PREX1: variants seen among roughly 807,000 people sequenced by gnomAD.
The protein encoded by PREX1 is phosphatidylinositol-3,4,5-trisphosphate dependent Rac exchange factor 1, also known as phosphatidylinositol 3,4,5-trisphosphate-dependent Rac exchanger 1 protein.
PREX1 carries 41 observed loss-of-function variants against 198.3 expected under a neutral mutation model. The ratio of observed to expected loss-of-function variants is 0.21; its 90% CI spans 0.16 to 0.27. The LOEUF (loss-of-function observed/expected upper bound fraction) is 0.27. Ranked by LOEUF, PREX1 falls within the 10% of genes least tolerant of loss-of-function variation. The pLI is 1.00. For synonymous variants in PREX1, 843 were observed against 887.2 expected (o/e 0.95, Z 0.89); for missense variants, 1,620 against 2,200.7 (o/e 0.74, Z 5.28).
intron 1 of PREX1, among the ~76,000 whole-genome samples, chr20:48,768,885 A>G (rs2090221552): frequency 6.6e-6 from 1 of 152,024 alleles, no homozygotes; most frequent in South Asian, 2.1e-4. Context: ...GGTGATGCAT[A>G]CGTAATCACC....
At chr20:48,741,520 C>T (rs926528401) in intron 3 of PREX1, among the ~76,000 whole-genome samples, 8 of 152,068 alleles carry the variant, frequency 5.3e-5, no homozygotes, top group Non-Finnish European at 1.0e-4. Flanking sequence ...TTACCATGCC[C>T]GGCTAAGGGG....
intron 14 of PREX1, among the ~76,000 whole-genome samples, chr20:48,668,634 C>T (rs1301464407): frequency 6.6e-6 from 1 of 152,188 alleles, no homozygotes; most frequent in East Asian, 1.9e-4. Context: ...CAGCCCTGGG[C>T]AGAAGGCCTG....
In PREX1 at chr20:48,718,573, G is replaced by A. The variant is rs949887701; in HGVS notation, c.621+7717C>T. Among the ~76,000 whole-genome samples the A allele has an allele frequency of 6.6e-5, 10 of 152,172 alleles. No homozygotes were observed. In the South Asian group the frequency reaches 8.3e-4, roughly 13 times the overall value. ...ATAAACACAATAAATATAAGTGGAC[G>A]AAACGCTCCTGTTAGAAGATATTAT... On this transcript the variant is annotated intron_variant, in intron 5 of 39. Transcript: ENST00000371941.
Position 48,695,492 on chromosome 20 carries a change from T to C in PREX1, c.918-2702A>G, listed in dbSNP as rs542980689. 3.9e-5 allele frequency among the ~76,000 whole-genome samples: 6 copies of C among 152,384 alleles called. No individual in the cohort carries two copies. In the East Asian group the frequency reaches 1.2e-3, roughly 29 times the overall value. On this transcript the variant is annotated intron_variant, in intron 7 of 39. Transcript: ENST00000371941. ...GTGAATGATTAGCTTTAGGAGATAC[T>C]GCCAAGCTGTTTTCCAAAATAGTTG...
chr20:48,627,610 T>C lies in PREX1; in HGVS notation c.4875A>G (p.Pro1625=), dbSNP rs1180099620. 7 of 1,598,234 alleles carry C rather than the reference T, an allele frequency of 4.4e-6. No homozygotes were observed. Among genetic ancestry groups the C allele is most frequent in the Non-Finnish European group, 6.0e-6 (7 of 1,176,440 alleles). ...GGTTTTTGGCCAGAATCTCCACCCT[T>C]GGGCCCTGGAAGAAGGAACCATCAG... ...QATDIMRKQG[P]RVEILAKNLR... is the part of the protein sequence containing the mutation. The change falls in exon 39 of 40, where the codon CCA becomes CCG. Residue 1625 remains proline, a synonymous_variant. Coordinates refer to ENST00000371941, the MANE Select transcript of PREX1 (RefSeq NM_020820.4).
chr20:48,766,014 T>A (rs1168579044), intron 1 of PREX1, among the ~76,000 whole-genome samples: 1 of 152,090 alleles, frequency 6.6e-6, no homozygotes, highest in East Asian at 1.9e-4. Flanking sequence ...GGTTGCACCC[T>A]CCTTACGAGA....
In PREX1 at chr20:48,813,702, A is replaced by G. The variant is rs143881939; in HGVS notation, c.219+13940T>C. 8.9e-3 allele frequency among the ~76,000 whole-genome samples: 1,349 copies of G among 152,350 alleles called. 6 individuals are homozygous for G. Among genetic ancestry groups the G allele is most frequent in the Non-Finnish European group, 0.013 (881 of 68,038 alleles). On this transcript the variant is annotated intron_variant, in intron 1 of 39. Coordinates refer to ENST00000371941, the MANE Select transcript of PREX1 (RefSeq NM_020820.4). Reference sequence around the variant, plus strand: ...AAGGGAGAGGGGGAGCGATCAAATAAAAAGTTACCAAAAAGTTAACTCTGA... The same window carrying G: ...AAGGGAGAGGGGGAGCGATCAAATAGAAAGTTACCAAAAAGTTAACTCTGA...
In PREX1 at chr20:48,632,208, C is replaced by T. The variant is rs377088139; in HGVS notation, c.4526+69G>A. 27 of 1,477,700 alleles carry T rather than the reference C, an allele frequency of 1.8e-5. No homozygotes were observed. In the African/African-American group the frequency reaches 3.2e-4, roughly 17 times the overall value. 91.5% of individuals were successfully genotyped at this position (1,477,700 alleles called of 1,614,324 possible). ...ATGCTGGGGGTCCGCCTGGCACCTT[C>T]CATGCTAATGCCCACTCCACGTGGA... On this transcript the variant is annotated intron_variant, in intron 35 of 39. Coordinates refer to ENST00000371941, the MANE Select transcript of PREX1 (RefSeq NM_020820.4).
chr20:48,790,506 G>GA (rs1005783818), intron 1 of PREX1, among the ~76,000 whole-genome samples: 31 of 149,994 alleles, frequency 2.1e-4, no homozygotes, highest in African/African-American at 6.6e-4. Flanking sequence ...CATGAGTGCG[G>GA]AAAAAAAAAA....
At position 48,655,354 on chromosome 20, in the gene PREX1, C is replaced by T; in HGVS notation, c.2145G>A (p.Gln715=). The T allele has an allele frequency of 6.3e-7, 1 of 1,592,120 alleles. No homozygotes were observed. Among genetic ancestry groups the T allele is most frequent in the East Asian group, 2.3e-5 (1 of 43,774 alleles). Residue 715 remains glutamine, a synonymous_variant, in exon 19 of 40, where the codon CAG becomes CAA. Coordinates refer to ENST00000371941, the MANE Select transcript of PREX1 (RefSeq NM_020820.4). ...KAKEIIKIPD[Q]PDTLCFQIRG... The stretch of plus-strand genomic sequence containing the variant: ...GAATCTGGAAGCACAGTGTGTCCGG[C>T]TGGTCGGGGATTTTGATGATCCTGC...
At position 48,684,803 on chromosome 20, in the gene PREX1, G is replaced by A. The variant is rs2089774776; in HGVS notation, c.1335-3468C>T. Among the ~76,000 whole-genome samples the A allele has an allele frequency of 6.6e-6, 1 of 152,090 alleles. No homozygotes were observed. The highest frequency in any genetic ancestry group is 6.5e-5 in the Admixed American group (1 of 15,272). ...CTGAGGCCACATCTCCTGCCCCTCT[G>A]ACCACTCAGGCTCCAGCCACAATGG... On this transcript the variant is annotated intron_variant, in intron 10 of 39. Transcript: ENST00000371941. This position sits in a 1 kb window ranked among gnomAD's most constrained non-coding sequence, Gnocchi z 4.2.
At chr20:48,887,657 ATGT>A in the PREX1 span, among the ~76,000 whole-genome samples, 1 of 150,670 alleles carries the variant, frequency 6.6e-6, no homozygotes, top group Admixed American at 6.6e-5. Flanking sequence ...TAAAAATAAA[ATGT>A]TGTTTGCCGG....
In PREX1 at chr20:48,691,005, C is replaced by T. The variant is rs141690733; in HGVS notation, c.1128G>A (p.Thr376=). The T allele has an allele frequency of 6.2e-6, 10 of 1,614,130 alleles. No individual in the cohort carries two copies. In the African/African-American group the frequency reaches 8.0e-5, roughly 13 times the overall value. Residue 376 remains threonine, a synonymous_variant, in exon 9 of 40, where the codon ACG becomes ACA. Transcript: ENST00000371941. The surrounding 1 kb of genome is among the most constrained non-coding windows in gnomAD (Gnocchi z 5.0). ...KNKWFVCMAK[T]AEEKQKWLDA... Reference sequence around the variant, plus strand: ...CCAGCCACTTCTGCTTCTCCTCTGCCGTCTTGGCCATGCAGACAAACCACT... The same window carrying T: ...CCAGCCACTTCTGCTTCTCCTCTGCTGTCTTGGCCATGCAGACAAACCACT...
At chr20:48,630,197 C>CA (rs2089302606) in intron 36 of PREX1, among the ~76,000 whole-genome samples, 1 of 152,250 alleles carries the variant, frequency 6.6e-6, no homozygotes, top group African/African-American at 2.4e-5. Context: ...ACCAGGAGGC[C>CA]AAAAGACATG....
chr20:48,854,069 G>A, the PREX1 span, among the ~76,000 whole-genome samples: 1 of 152,196 alleles, frequency 6.6e-6, no homozygotes, highest in African/African-American at 2.4e-5. Flanking sequence ...ACAACCCCTG[G>A]CAGTGCTAAT....
the PREX1 span, among the ~76,000 whole-genome samples, chr20:48,846,825 G>T: frequency 6.6e-6 from 1 of 152,122 alleles, no homozygotes; most frequent in African/African-American, 2.4e-5. Context: ...GTGCCTGCTG[G>T]ACACTCCCGT....
intron 36 of PREX1, 127 bp downstream of exon 36, chr20:48,630,601 G>A (rs2089306031): frequency 2.8e-6 from 2 of 710,924 alleles, no homozygotes; most frequent in Non-Finnish European, 4.6e-6. Context: ...AGGAGAGACT[G>A]CAGGGTCTCA....
chr20:48,751,296 G>C (rs541532285), intron 1 of PREX1, among the ~76,000 whole-genome samples: 49 of 152,272 alleles, frequency 3.2e-4, no homozygotes, highest in South Asian at 2.1e-3. Flanking sequence ...CCAGACTAGA[G>C]GGAGACAAAG....
the PREX1 span, among the ~76,000 whole-genome samples, chr20:48,839,022 C>CAAAAAAA: frequency 8.7e-6 from 1 of 115,598 alleles, no homozygotes; most frequent in African/African-American, 3.8e-5. Context: ...AAAAAAAAAG[C>CAAAAAAA]AAGGAAATAT....
Sources: allele counts gnomAD v4.1 joint callset (sites outside exome capture counted in the v4.1 genomes callset), GRCh38; gene constraint gnomAD v4.1.1; non-coding constraint Gnocchi (gnomAD v3.1); transcripts MANE v1.5; gene names NCBI Gene and HGNC (gene_info 2026-07-23, HGNC 2026-07-21).